Variants in DIPK1A observed in about 807,000 individuals in gnomAD.
DIPK1A encodes divergent protein kinase domain 1A, also known as family with sequence similarity 69 member A.
DIPK1A carries 27 observed loss-of-function variants against 40.8 expected under a neutral mutation model. That is an observed-to-expected ratio of 0.66 (90% CI 0.49 to 0.91). The LOEUF (loss-of-function observed/expected upper bound fraction) is 0.91. Ranked by LOEUF, DIPK1A falls within the 40% of genes least tolerant of loss-of-function variation. The pLI is 0.00. For missense variants in DIPK1A, 412 were observed against 505.7 expected (o/e 0.81, Z 1.78); for synonymous variants, 166 against 171.3 (o/e 0.97, Z 0.24).
At chr1:92,836,520 T>G (rs1687135265) in intron 4 of DIPK1A, 1 of 819,546 alleles carries the variant, frequency 1.2e-6, no homozygotes, top group African/African-American at 1.7e-5. Flanking sequence ...CTAGGTACCA[T>G]GCAGGAGGAA....
At chr1:92,892,030 C>G (rs1344285990) in intron 1 of DIPK1A, among the ~76,000 whole-genome samples, 2 of 152,022 alleles carry the variant, frequency 1.3e-5, no homozygotes, top group Admixed American at 1.3e-4. Context: ...TGGGTGGAGC[C>G]CACCGCAGCT....
intron 2 of DIPK1A, among the ~76,000 whole-genome samples, chr1:92,871,460 C>T (rs1001268383): frequency 6.6e-6 from 1 of 152,120 alleles, no homozygotes; most frequent in Non-Finnish European, 1.5e-5. Flanking sequence ...ACACTGCACC[C>T]GGCCTCTTTT....
rs546481945 is a variant in DIPK1A, at chr1:92,873,344, G to A, written c.189+2952C>T. Reference sequence around the variant, plus strand: ...AATCTTATCCTCTCGGCTGGGTGTGGTGCCTTACGCCTGTAATCCCAGCAC... The same window carrying A: ...AATCTTATCCTCTCGGCTGGGTGTGATGCCTTACGCCTGTAATCCCAGCAC... On this transcript the variant is annotated intron_variant, in intron 2 of 4. Coordinates refer to ENST00000370310, the MANE Select transcript of DIPK1A (RefSeq NM_001006605.5). 5.9e-5 allele frequency among the ~76,000 whole-genome samples: 9 copies of A among 152,290 alleles called. No homozygotes were observed. In the South Asian group the frequency reaches 1.9e-3, roughly 32 times the overall value.
intron 1 of DIPK1A, among the ~76,000 whole-genome samples, chr1:92,940,866 T>C (rs1434287829): frequency 6.6e-6 from 1 of 152,246 alleles, no homozygotes. Flanking sequence ...AATTCCCTAA[T>C]GGTTAATAAG....
intron 1 of DIPK1A, among the ~76,000 whole-genome samples, chr1:92,946,309 T>G (rs1325293529): frequency 6.6e-6 from 1 of 152,128 alleles, no homozygotes; most frequent in Non-Finnish European, 1.5e-5. Flanking sequence ...ATATGGAGAC[T>G]TGGTTGTATA....
chr1:92,852,259 G>A (rs184469880), intron 2 of DIPK1A, among the ~76,000 whole-genome samples: 60 of 152,328 alleles, frequency 3.9e-4, no homozygotes, highest in African/African-American at 1.4e-3. Context: ...AGCACTTTGG[G>A]GGGCCGAGGC....
chr1:92,960,954 A>C (rs1475013382), intron 1 of DIPK1A, among the ~76,000 whole-genome samples: 1 of 152,226 alleles, frequency 6.6e-6, no homozygotes, highest in Non-Finnish European at 1.5e-5. Context: ...GTCAAGGGCA[A>C]CCGACCTGCG....
chr1:92,868,995 A>G (rs771426977), intron 2 of DIPK1A, among the ~76,000 whole-genome samples: 2 of 150,076 alleles, frequency 1.3e-5, no homozygotes, highest in African/African-American at 2.4e-5. Context: ...AAGGCATTCT[A>G]TCTTGCTTAC....
chr1:92,879,926 A>G (rs1648294722), intron 1 of DIPK1A, among the ~76,000 whole-genome samples: 1 of 152,194 alleles, frequency 6.6e-6, no homozygotes, highest in Non-Finnish European at 1.5e-5. Context: ...CCTAGCTAGT[A>G]ATGGTATGTT....
rs190478621 is a variant in DIPK1A, at chr1:92,883,860, T to C, written c.55-7430A>G. Among the ~76,000 whole-genome samples the C allele has an allele frequency of 5.9e-5, 9 of 152,212 alleles. No homozygotes were observed. The East Asian group carries it at 9.6e-4, about 16-fold the overall frequency. The stretch of plus-strand genomic sequence containing the variant: ...TCACTGAGGGGTCTTCTTTGGAGAC[T>C]AGCTACCACCCCAGAAGAGGATCAG... On this transcript the variant is annotated intron_variant, in intron 1 of 4. Transcript: ENST00000370310.
At chr1:92,957,802 T>C (rs1471983724) in intron 1 of DIPK1A, among the ~76,000 whole-genome samples, 1 of 152,242 alleles carries the variant, frequency 6.6e-6, no homozygotes, top group African/African-American at 2.4e-5. Flanking sequence ...TTTTAGTATA[T>C]TCACATACTT....
At chr1:92,954,063 G>A (rs1651743451) in intron 1 of DIPK1A, among the ~76,000 whole-genome samples, 1 of 151,968 alleles carries the variant, frequency 6.6e-6, no homozygotes. Context: ...CTAATATTTT[G>A]GGTTATTAAA....
chr1:92,953,515 C>T (rs1557499731), intron 1 of DIPK1A, among the ~76,000 whole-genome samples: 3 of 152,002 alleles, frequency 2.0e-5, no homozygotes, highest in East Asian at 1.9e-4. Flanking sequence ...AAATGTTCAT[C>T]GACTAATGAA....
chr1:92,918,486 G>T (rs1399844796), intron 1 of DIPK1A, among the ~76,000 whole-genome samples: 2 of 152,180 alleles, frequency 1.3e-5, no homozygotes, highest in Admixed American at 6.5e-5. Context: ...AGAACATCAA[G>T]AAATTTCTCA....
intron 1 of DIPK1A, among the ~76,000 whole-genome samples, chr1:92,895,059 A>C (rs1440240997): frequency 6.6e-6 from 1 of 152,098 alleles, no homozygotes; most frequent in Admixed American, 6.5e-5. Flanking sequence ...ACTCACAGCC[A>C]AATTCTACCA....
At chr1:92,946,369 T>C (rs867829458) in intron 1 of DIPK1A, among the ~76,000 whole-genome samples, 1 of 152,128 alleles carries the variant, frequency 6.6e-6, no homozygotes, top group African/African-American at 2.4e-5. Flanking sequence ...AAATTAAAAG[T>C]AGCTGACAGA....
chr1:92,940,119 T>C (rs1213010617), intron 1 of DIPK1A, among the ~76,000 whole-genome samples: 5 of 152,100 alleles, frequency 3.3e-5, no homozygotes, highest in Non-Finnish European at 7.3e-5. Flanking sequence ...TTTCCATACA[T>C]GGGGAGCTAG....
At chr1:92,847,451 A>C in intron 3 of DIPK1A, 92 bp from the exon 4 acceptor site, 1 of 680,614 alleles carries the variant, frequency 1.5e-6, no homozygotes, top group Non-Finnish European at 2.2e-6. Context: ...CCTCCTCTGA[A>C]CAAAACAAAA....
At chr1:92,909,341 GAT>G (rs1205133041) in intron 1 of DIPK1A, among the ~76,000 whole-genome samples, 1 of 152,136 alleles carries the variant, frequency 6.6e-6, no homozygotes, top group African/African-American at 2.4e-5. Flanking sequence ...GAGGCACAAA[GAT>G]AAAATAAAAG....
Sources: gnomAD v4.1 joint callset for allele counts (sites outside exome capture counted in the v4.1 genomes callset) on GRCh38, gnomAD v4.1.1 for gene constraint, MANE v1.5 for transcripts, NCBI Gene and HGNC (gene_info 2026-07-23, HGNC 2026-07-21) for gene names.